The following DNAH2 variants were observed in gnomAD, a reference collection of about 807,000 sequenced individuals.
DNAH2 encodes axonemal beta dynein heavy chain 2.
In DNAH2, 323 loss-of-function variants were observed where a neutral mutation model predicts 523.5. The observed-to-expected ratio is 0.62, with a 90% CI of 0.56 to 0.68. The LOEUF (loss-of-function observed/expected upper bound fraction) is 0.68. Among genes scored for constraint, DNAH2 ranks in the 30% least tolerant of loss-of-function variants. The probability of loss-of-function intolerance (pLI) is 0.00; values close to 1 mark genes in which losing one functional copy is unlikely to be tolerated. For missense variants in DNAH2, 4,907 were observed against 5,701.5 expected, an observed-to-expected ratio of 0.86 and a Z score of 4.49; for synonymous variants, 2,093 against 2,177.4, an observed-to-expected ratio of 0.96 and a Z score of 1.08.
At position 7,832,742 on chromosome 17, in the gene DNAH2, CTCGCCAAA is replaced by C; in HGVS notation, c.12891_12898del (p.Arg4298GlnfsTer18). The C allele has an allele frequency of 6.2e-7, 1 of 1,614,104 alleles. No individual in the cohort carries two copies. The highest frequency in any genetic ancestry group is 8.5e-7 in the Non-Finnish European group (1 of 1,180,032). Reference sequence around the variant, plus strand: ...CTCACTGCTGTGCTGCAGTCTTCAGCTCGCCAAAACAACGTGAGCAATGTGCAAAGTGT... The same window carrying C: ...CTCACTGCTGTGCTGCAGTCTTCAGCACAACGTGAGCAATGTGCAAAGTGT... On this transcript the variant is annotated frameshift_variant, in exon 83 of 86. Transcript: ENST00000572933. LOFTEE classifies it high-confidence loss of function. This position sits in a 1 kb window ranked among gnomAD's most constrained non-coding sequence, Gnocchi z 4.3.
intron 18 of DNAH2, among the ~76,000 whole-genome samples, chr17:7,761,592 C>T (rs1046746348): frequency 1.3e-5 from 2 of 151,492 alleles, no homozygotes; most frequent in Non-Finnish European, 2.9e-5. Context: ...TCAAGCAATT[C>T]TCCTGCCTCA....
Position 7,777,465 on chromosome 17 carries a change from A to G in DNAH2, c.5078A>G (p.Tyr1693Cys), listed in dbSNP as rs759778985. Reference sequence around the variant, plus strand: ...CCACAGGTGTCAATCCTGAATAAGTATTCAGAAGCCATCAGGGGGAACTTG... The same window carrying G: ...CCACAGGTGTCAATCCTGAATAAGTGTTCAGAAGCCATCAGGGGGAACTTG... ...KKNQVSILNKYSEAIRGNLTK... is the reference protein window; with the variant it reads ...KKNQVSILNKCSEAIRGNLTK... The change falls in exon 33 of 86, where the codon TAT becomes TGT. Residue 1693 changes from tyrosine (Y) to cysteine (C), a missense_variant. Around this residue, in one of 3 missense-constraint regions of DNAH2, gnomAD observed 2,806 missense variants for 3,190.8 expected, o/e 0.88. Transcript: ENST00000572933. 3 of 1,614,042 alleles carry G rather than the reference A, an allele frequency of 1.9e-6. No homozygotes were observed. The highest frequency in any genetic ancestry group is 1.7e-5 in the Admixed American group (1 of 59,990).
chr17:7,821,074 A>T lies in DNAH2; in HGVS notation c.11016-169A>T, dbSNP rs2077838667. 6.6e-6 allele frequency among the ~76,000 whole-genome samples: 1 copy of T among 152,010 alleles called. No homozygotes were observed. Among genetic ancestry groups the T allele is most frequent in the South Asian group, 2.1e-4 (1 of 4,822 alleles). The stretch of plus-strand genomic sequence containing the variant: ...TAATAATAATAAGTGGACTCTGGGA[A>T]ATTCTTGTGTCTAGGCCCCTGAGTC... On this transcript the variant is annotated intron_variant, in intron 72 of 85. Coordinates refer to ENST00000572933, the MANE Select transcript of DNAH2 (RefSeq NM_020877.5). The surrounding 1 kb of genome is among the most constrained non-coding windows in gnomAD (Gnocchi z 5.0).
At chr17:7,781,201 G>A (rs1354444318) in intron 39 of DNAH2, 34 bp downstream of exon 39, 2 of 1,612,982 alleles carry the variant, frequency 1.2e-6, no homozygotes, top group Non-Finnish European at 1.7e-6. Flanking sequence ...CTGACCGGGT[G>A]CTGTGGCTCA....
chr17:7,830,364 C>T lies in DNAH2; in HGVS notation c.11918C>T (p.Ser3973Phe). The T allele has an allele frequency of 6.2e-7, 1 of 1,614,250 alleles. No individual in the cohort carries two copies. Among genetic ancestry groups the T allele is most frequent in the Non-Finnish European group, 8.5e-7 (1 of 1,180,048 alleles). The change falls in exon 78 of 86, where the codon TCC becomes TTC. Residue 3973 changes from serine to phenylalanine, a missense_variant. Around this residue, in one of 3 missense-constraint regions of DNAH2, gnomAD observed 1,851 missense variants for 2,139.4 expected, o/e 0.87. Coordinates refer to ENST00000572933, the MANE Select transcript of DNAH2 (RefSeq NM_020877.5). The stretch of plus-strand genomic sequence containing the variant: ...TCAGAACCACAGTTTTCCCGCTGCT[C>T]CAAACCTGCCAAATATAAGAAGCTG... ...LMSEPQFSRC[S>F]KPAKYKKLLF...
intron 26 of DNAH2, 27 bp from the exon 27 acceptor site, chr17:7,770,720 GATGAAC>G: frequency 6.2e-7 from 1 of 1,613,968 alleles, no homozygotes; most frequent in Non-Finnish European, 8.5e-7. Context: ...GGCAGGTGGG[GATGAAC>G]TATGATTTTG....
rs568165547 is a variant in DNAH2, at chr17:7,728,000, G to A, written c.399+708G>A. On this transcript the variant is annotated intron_variant, in intron 4 of 85. Coordinates refer to ENST00000572933, the MANE Select transcript of DNAH2 (RefSeq NM_020877.5). ...AGCTATTCAGCAAAGACCACTCTAC[G>A]TACAAAGAAAAGAGAAGTAGTGGGA... Among the ~76,000 whole-genome samples, 17 of 152,168 alleles carry A rather than the reference G, an allele frequency of 1.1e-4. No individual in the cohort carries two copies. In the South Asian group the frequency reaches 3.1e-3, roughly 28 times the overall value.
At chr17:7,742,822 T>G in intron 11 of DNAH2, 106 bp from the exon 12 acceptor site, 11 of 669,910 alleles carry the variant, frequency 1.6e-5, no homozygotes, top group Non-Finnish European at 2.4e-5. Flanking sequence ...CTTATGCATA[T>G]TGTTGGGGTA....
At chr17:7,767,646 G>C (rs890476793) in intron 22 of DNAH2, among the ~76,000 whole-genome samples, 3 of 151,298 alleles carry the variant, frequency 2.0e-5, no homozygotes, top group Non-Finnish European at 4.4e-5. Context: ...CATCCTAGCG[G>C]GTGTGAAGTG....
intron 18 of DNAH2, among the ~76,000 whole-genome samples, chr17:7,763,119 G>T (rs2151202519): frequency 6.6e-6 from 1 of 152,012 alleles, no homozygotes; most frequent in East Asian, 1.9e-4. Context: ...GGGATTACAG[G>T]TGCCCGCCAC....
chr17:7,770,728 A>C (rs1275270669), intron 26 of DNAH2, 25 bp from the exon 27 acceptor site: 4 of 1,614,030 alleles, frequency 2.5e-6, no homozygotes, highest in Non-Finnish European at 3.4e-6. Flanking sequence ...GGGATGAACT[A>C]TGATTTTGAC....
intron 12 of DNAH2, among the ~76,000 whole-genome samples, chr17:7,750,110 C>T (rs1391711895): frequency 6.6e-6 from 1 of 152,084 alleles, no homozygotes; most frequent in East Asian, 1.9e-4. Flanking sequence ...AAGCGATTCT[C>T]CTACCTCAGG....
In DNAH2 at chr17:7,734,257, G is replaced by T; in HGVS notation, c.703G>T (p.Val235Leu). The T allele has an allele frequency of 6.2e-6, 10 of 1,607,588 alleles. No individual in the cohort carries two copies. The highest frequency in any genetic ancestry group is 8.5e-6 in the Non-Finnish European group (10 of 1,176,874). The change falls in exon 6 of 86, where the codon GTG (valine) becomes TTG (leucine). Residue 235 changes from valine to leucine, a missense_variant. Coordinates refer to ENST00000572933, the MANE Select transcript of DNAH2 (RefSeq NM_020877.5). ...AEAMNMKPEMVIKDKELVQRL... is the reference protein window; with the variant it reads ...AEAMNMKPEMLIKDKELVQRL... ...GGCCATGAACATGAAGCCTGAGATG[G>T]TGATAAAGGACAAAGAGCTGGTGCA...
Position 7,805,352 on chromosome 17 carries a change from G to C in DNAH2, c.9401G>C (p.Arg3134Pro). ...GTGATGCAGGCAGTTATGATTCTTCGAGGCAACGAGCCCACATGGGCAGAG... is the reference window on the plus strand; with the variant it reads ...GTGATGCAGGCAGTTATGATTCTTCCAGGCAACGAGCCCACATGGGCAGAG... The part of the protein sequence containing the change: ...EIVMQAVMIL[R>P]GNEPTWAEAK... The change falls in exon 61 of 86, where the codon CGA becomes CCA. Residue 3134 changes from arginine (R) to proline (P), a missense_variant. By Grantham distance (103) the Arg-to-Pro change is moderately radical (BLOSUM62 -2). Transcript: ENST00000572933. The C allele has an allele frequency of 6.2e-7, 1 of 1,614,226 alleles. No individual in the cohort carries two copies. Among genetic ancestry groups the C allele is most frequent in the East Asian group, 2.2e-5 (1 of 44,890 alleles).
chr17:7,739,893 G>A lies in DNAH2; in HGVS notation c.1331G>A (p.Gly444Asp), dbSNP rs2075258528. 1.2e-6 allele frequency: 2 copies of A among 1,613,952 alleles called. No homozygotes were observed. Among genetic ancestry groups the A allele is most frequent in the East Asian group, 2.2e-5 (1 of 44,878 alleles). Residue 444 changes from glycine to aspartate, a missense_variant, in exon 9 of 86, where the codon GGT (glycine) becomes GAT (aspartate). Gly to Asp is a moderately conservative substitution (Grantham distance 94). This residue lies in a region of DNAH2 where 2,806 missense variants were observed against 3,190.8 expected (regional missense o/e 0.88). Coordinates refer to ENST00000572933, the MANE Select transcript of DNAH2 (RefSeq NM_020877.5). The stretch of plus-strand genomic sequence containing the variant: ...CACACGCTGCGAGCCGTTCGCGGGG[G>A]TATCCTGGATGTCAAGAACACCTGT... ...NLHTLRAVRG[G>D]ILDVKNTCWH... is the part of the protein sequence containing the mutation.
chr17:7,778,008 CA>C (rs1224088109), intron 33 of DNAH2, 68 bp from the exon 34 acceptor site: 2 of 1,392,872 alleles, frequency 1.4e-6, no homozygotes, highest in African/African-American at 2.8e-5. Flanking sequence ...GCCCCACTCT[CA>C]GTCATTGTCC....
rs1438211400 is a variant in DNAH2, at chr17:7,824,186, C to T, written c.11544C>T (p.Thr3848=). ...VFILSPGVDP[T]SALLQLAEHM... ...TCCTGTCCCCTGGTGTGGACCCCAC[C>T]AGTGCCCTGCTGCAGCTGGCAGAGC... Residue 3848 remains threonine, a synonymous_variant, in exon 76 of 86, where the codon ACC becomes ACT. Coordinates refer to ENST00000572933, the MANE Select transcript of DNAH2 (RefSeq NM_020877.5). The T allele has an allele frequency of 6.2e-7, 1 of 1,604,906 alleles. No individual in the cohort carries two copies.
At chr17:7,728,039 G>A (rs2074878031) in intron 4 of DNAH2, among the ~76,000 whole-genome samples, 2 of 152,156 alleles carry the variant, frequency 1.3e-5, no homozygotes, top group South Asian at 2.1e-4. Flanking sequence ...GATACTGAAA[G>A]GGGCTTGGGG....
chr17:7,723,759 A>G, intron 3 of DNAH2, 70 bp downstream of exon 3: 1 of 1,339,820 alleles, frequency 7.5e-7, no homozygotes, highest in East Asian at 2.3e-5. Context: ...TCAGTTGTGG[A>G]TGGCACATGA....
Sources: gnomAD v4.1 joint callset for allele counts (sites outside exome capture counted in the v4.1 genomes callset) on GRCh38, gnomAD v4.1.1 for gene constraint, gnomAD v4.1.1 regional missense constraint, Gnocchi (gnomAD v3.1) non-coding constraint, MANE v1.5 for transcripts, NCBI Gene and HGNC (gene_info 2026-07-23, HGNC 2026-07-21) for gene names.